The following LAMA2 variants were observed in gnomAD, a reference collection of about 807,000 sequenced individuals.
The protein encoded by LAMA2 is laminin subunit alpha 2.
A neutral mutation model predicts 364.8 loss-of-function variants in LAMA2; 269 were observed. The ratio of observed to expected loss-of-function variants is 0.74; its 90% CI spans 0.67 to 0.82. The LOEUF is 0.82. Ranked by LOEUF, LAMA2 falls within the 40% of genes least tolerant of loss-of-function variation. LAMA2 has a pLI of 0.00. For synonymous variants in LAMA2, 1,379 were observed against 1,370.6 expected, an observed-to-expected ratio of 1.01 and a Z score of -0.14; for missense variants, 3,807 against 3,873.2, an observed-to-expected ratio of 0.98 and a Z score of 0.45.
At chr6:129,350,597 C>A (rs1355184846) in intron 31 of LAMA2, among the ~76,000 whole-genome samples, 3 of 152,226 alleles carry the variant, frequency 2.0e-5, no homozygotes, top group Non-Finnish European at 4.4e-5. Context: ...TGGGACATCA[C>A]CTGAAATCAT....
At chr6:129,176,931 C>A (rs994448279) in intron 9 of LAMA2, among the ~76,000 whole-genome samples, 3 of 151,904 alleles carry the variant, frequency 2.0e-5, no homozygotes, top group Admixed American at 6.6e-5. Flanking sequence ...CTGCTTTTTG[C>A]TTTCTCTCCC....
intron 30 of LAMA2, among the ~76,000 whole-genome samples, chr6:129,345,372 A>G (rs1776490438): frequency 6.6e-6 from 1 of 152,170 alleles, no homozygotes; most frequent in Admixed American, 6.5e-5. Flanking sequence ...ACACTCTCAG[A>G]GTCATTGATG....
Position 129,366,292 on chromosome 6 carries a change from C to T in LAMA2, c.4791C>T (p.Asn1597=). ...TGGAGCAGATGGTCATGAGCATCAA[C>T]CTCACTGGTCCGCTGCCTGCGCCAT... ...ARLEQMVMSI[N]LTGPLPAPYK... Residue 1597 remains asparagine (N), a synonymous_variant, in exon 33 of 65, where the codon AAC becomes AAT. Coordinates refer to ENST00000421865, the MANE Select transcript of LAMA2 (RefSeq NM_000426.4). The T allele has an allele frequency of 6.2e-7, 1 of 1,613,920 alleles. No homozygotes were observed. Among genetic ancestry groups the T allele is most frequent in the Middle Eastern group, 1.7e-4 (1 of 6,054 alleles).
At chr6:129,371,182 C>T (rs1778050517) in intron 34 of LAMA2, among the ~76,000 whole-genome samples, 1 of 151,626 alleles carries the variant, frequency 6.6e-6, no homozygotes, top group Non-Finnish European at 1.5e-5. Flanking sequence ...CATACAAAGC[C>T]TAAGTTACGT....
chr6:129,452,096 A>G (rs879820472), intron 45 of LAMA2, among the ~76,000 whole-genome samples: 2 of 152,200 alleles, frequency 1.3e-5, no homozygotes, highest in Admixed American at 1.3e-4. Context: ...CTATCAATGA[A>G]CAAAGTTACA....
At chr6:129,083,863 G>A (rs1400448282) in intron 3 of LAMA2, among the ~76,000 whole-genome samples, 9 of 152,110 alleles carry the variant, frequency 5.9e-5, no homozygotes, top group Admixed American at 5.2e-4. Context: ...ACTGATCTAG[G>A]TATTTCACAT....
chr6:129,217,789 G>T (rs765740775), intron 12 of LAMA2, among the ~76,000 whole-genome samples: 8 of 152,106 alleles, frequency 5.3e-5, no homozygotes, highest in Non-Finnish European at 8.8e-5. Context: ...ATCTACTGTG[G>T]ATAGTCATTC....
Position 129,013,732 on chromosome 6 carries a change from TG to T in LAMA2, c.113-36184del, listed in dbSNP as rs201274232. Among the ~76,000 whole-genome samples the T allele has an allele frequency of 3.4e-4, 51 of 152,174 alleles. No individual in the cohort carries two copies. The East Asian group carries it at 9.3e-3, about 28-fold the overall frequency. On this transcript the variant is annotated intron_variant, in intron 1 of 64. Transcript: ENST00000421865. ...CTCACATATTTTAGAAATATTTATT[TG>T]GTTACCATATAGAGCCAGTTCTCAT...
Position 129,464,314 on chromosome 6 carries a change from G to T in LAMA2, c.7017G>T (p.Gly2339=). 3.1e-6 allele frequency: 5 copies of T among 1,612,076 alleles called. No individual in the cohort carries two copies. Among genetic ancestry groups the T allele is most frequent in the Non-Finnish European group, 4.2e-6 (5 of 1,178,638 alleles). ...GTCCTCAGGTGGAAGATAGTGAGGG[G>T]ACTATTCAATTTGATGGAGAAGGTT... The part of the protein sequence containing the change: ...TVSPQVEDSE[G]TIQFDGEGYA... Residue 2339 remains glycine, a synonymous_variant, in exon 50 of 65, where the codon GGG becomes GGT. Transcript: ENST00000421865.
At chr6:129,184,250 C>T (rs1309807326) in intron 10 of LAMA2, among the ~76,000 whole-genome samples, 1 of 151,844 alleles carries the variant, frequency 6.6e-6, no homozygotes, top group Admixed American at 6.6e-5. Flanking sequence ...GACTTGATTC[C>T]TGGGCATTTT....
intron 58 of LAMA2, among the ~76,000 whole-genome samples, chr6:129,493,690 ATGTAATTC>A (rs796988646): frequency 3.9e-4 from 59 of 152,330 alleles, no homozygotes; most frequent in African/African-American, 1.4e-3. Context: ...TCAATATTAT[ATGTAATTC>A]TCATAACGGC....
At chr6:129,470,639 A>G (rs903651872) in intron 51 of LAMA2, among the ~76,000 whole-genome samples, 1 of 151,908 alleles carries the variant, frequency 6.6e-6, no homozygotes, top group African/African-American at 2.4e-5. Flanking sequence ...TAAATATTGC[A>G]CAAACATGAA....
chr6:129,376,450 G>A (rs182229933), intron 34 of LAMA2, among the ~76,000 whole-genome samples: 1 of 152,242 alleles, frequency 6.6e-6, no homozygotes, highest in East Asian at 1.9e-4. Context: ...CCGTAACGTA[G>A]CCAGAATGAA....
At chr6:128,911,877 C>T (rs1777990060) in intron 1 of LAMA2, among the ~76,000 whole-genome samples, 1 of 152,120 alleles carries the variant, frequency 6.6e-6, no homozygotes. Flanking sequence ...TTAGAATTTC[C>T]TTTATATGAA....
intron 15 of LAMA2, 98 bp from the exon 16 acceptor site, chr6:129,267,008 A>G: frequency 1.2e-6 from 1 of 810,800 alleles, no homozygotes; most frequent in Non-Finnish European, 2.2e-6. Flanking sequence ...TGAGTTTCCT[A>G]CCTGTTATTT....
At chr6:128,909,709 T>C (rs1777760013) in intron 1 of LAMA2, among the ~76,000 whole-genome samples, 1 of 151,932 alleles carries the variant, frequency 6.6e-6, no homozygotes, top group Non-Finnish European at 1.5e-5. Flanking sequence ...TGCTCGTTAG[T>C]TGATGCAGTT....
chr6:129,105,358 T>TA (rs1775760173), intron 4 of LAMA2, among the ~76,000 whole-genome samples: 1 of 152,148 alleles, frequency 6.6e-6, no homozygotes, highest in Non-Finnish European at 1.5e-5. Flanking sequence ...GAGAACTGCT[T>TA]ACAAGAACTG....
chr6:129,125,630 CA>C (rs1330435844), intron 4 of LAMA2, among the ~76,000 whole-genome samples: 1 of 152,146 alleles, frequency 6.6e-6, no homozygotes, highest in Non-Finnish European at 1.5e-5. Flanking sequence ...TGCATAGGGA[CA>C]AATTTCTAAT....
At chr6:129,315,316 G>A (rs113045641) in intron 24 of LAMA2, among the ~76,000 whole-genome samples, 160 bp from the exon 25 acceptor site, 284 of 152,276 alleles carry the variant, frequency 1.9e-3, no homozygotes, top group Admixed American at 3.9e-3. Flanking sequence ...AAAGATTTAC[G>A]TCCTGCCATG....
Sources: gnomAD v4.1 joint callset for allele counts (sites outside exome capture counted in the v4.1 genomes callset) on GRCh38, gnomAD v4.1.1 for gene constraint, MANE v1.5 for transcripts, NCBI Gene and HGNC (gene_info 2026-07-23, HGNC 2026-07-21) for gene names.